ATOSA: variants seen among roughly 807,000 people sequenced by gnomAD.
The protein encoded by ATOSA is atos homolog protein A.
At chr15:52,671,903 G>A in the ATOSA span, among the ~76,000 whole-genome samples, 1 of 151,528 alleles carries the variant, frequency 6.6e-6, no homozygotes, top group Non-Finnish European at 1.5e-5. Flanking sequence ...GAAGAGATGA[G>A]TATCTTTTAC....
chr15:52,661,993 C>T, the ATOSA span, among the ~76,000 whole-genome samples: 130,758 of 148,182 alleles, frequency 0.88, 57,833 homozygotes, highest in East Asian at 1. Context: ...ATCTTAGACC[C>T]AGAAGGAACC....
the ATOSA span, among the ~76,000 whole-genome samples, chr15:52,598,124 A>AAAAC: frequency 0.01 from 1,530 of 152,214 alleles, 12 homozygotes; most frequent in Non-Finnish European, 0.015. Context: ...ACTCTGTCTC[A>AAAAC]AAACAAACAA....
the ATOSA span, among the ~76,000 whole-genome samples, chr15:52,583,675 C>T: frequency 1.3e-5 from 2 of 152,150 alleles, no homozygotes; most frequent in Non-Finnish European, 2.9e-5. Context: ...TGTGAGCCAC[C>T]GTGCCCGGCT....
the ATOSA span, among the ~76,000 whole-genome samples, chr15:52,583,061 T>C: frequency 6.6e-6 from 1 of 152,238 alleles, no homozygotes; most frequent in Non-Finnish European, 1.5e-5. Context: ...ATGTGGTGGT[T>C]ACAGCTCTGT....
At chr15:52,675,744 T>C in the ATOSA span, among the ~76,000 whole-genome samples, 37 of 152,060 alleles carry the variant, frequency 2.4e-4, no homozygotes, top group South Asian at 1.9e-3. Context: ...CTGTCTCTAC[T>C]AAAAATACAA....
At chr15:52,693,605 A>G in the ATOSA span, among the ~76,000 whole-genome samples, 5 of 152,210 alleles carry the variant, frequency 3.3e-5, no homozygotes, top group Non-Finnish European at 1.5e-5. Context: ...AAATAAATCT[A>G]ATTAAAAAAA....
the ATOSA span, among the ~76,000 whole-genome samples, chr15:52,635,797 A>T: frequency 2.0e-5 from 3 of 152,072 alleles, 1 homozygote; most frequent in South Asian, 6.2e-4. Flanking sequence ...GGAGTTCAAG[A>T]TCAGCCTGGC....
At chr15:52,639,042 G>C in the ATOSA span, among the ~76,000 whole-genome samples, 1 of 133,852 alleles carries the variant, frequency 7.5e-6, no homozygotes, top group Non-Finnish European at 1.6e-5. Context: ...GCAAAAAAAA[G>C]AAAGTATCAA....
the ATOSA span, among the ~76,000 whole-genome samples, chr15:52,673,384 C>T: frequency 6.6e-6 from 1 of 152,208 alleles, no homozygotes; most frequent in Non-Finnish European, 1.5e-5. Context: ...AGCTTAAGAG[C>T]ATATGCTCAA....
At chr15:52,673,887 A>G in the ATOSA span, among the ~76,000 whole-genome samples, 1 of 152,220 alleles carries the variant, frequency 6.6e-6, no homozygotes, top group Non-Finnish European at 1.5e-5. Context: ...TTCTAAGGCT[A>G]ATGTCTAAAT....
chr15:52,615,390 A>T, the ATOSA span, among the ~76,000 whole-genome samples: 1 of 152,218 alleles, frequency 6.6e-6, no homozygotes, highest in Non-Finnish European at 1.5e-5. Context: ...TTGTACAAAA[A>T]GTTGCTCTTA....
chr15:52,682,628 G>C, the ATOSA span, among the ~76,000 whole-genome samples: 1 of 152,154 alleles, frequency 6.6e-6, no homozygotes, highest in Non-Finnish European at 1.5e-5. Flanking sequence ...ATAAGTGGTT[G>C]AGAGTCAAAT....
At chr15:52,679,757 T>G in the ATOSA span, among the ~76,000 whole-genome samples, 3 of 6,572 alleles carry the variant, frequency 4.6e-4, no homozygotes, top group East Asian at 2.0e-3. Context: ...AGTCGTCGTC[T>G]CCTCCTCCTC....
the ATOSA span, among the ~76,000 whole-genome samples, chr15:52,668,699 GA>G: frequency 0.018 from 2,688 of 151,880 alleles, 84 homozygotes; most frequent in African/African-American, 0.062. Context: ...TGTGTCAACT[GA>G]AAAAAGTACC....
the ATOSA span, among the ~76,000 whole-genome samples, chr15:52,651,073 T>A: frequency 6.6e-6 from 1 of 152,218 alleles, no homozygotes; most frequent in African/African-American, 2.4e-5. Context: ...ATATATTATA[T>A]TAGTACAGTT....
At chr15:52,667,471 T>C in the ATOSA span, among the ~76,000 whole-genome samples, 33 of 152,212 alleles carry the variant, frequency 2.2e-4, no homozygotes, top group Admixed American at 9.2e-4. Context: ...ATGTAAGTAT[T>C]AGATTGAATG....
the ATOSA span, chr15:52,587,047 G>T: frequency 6.3e-6 from 10 of 1,582,974 alleles, no homozygotes; most frequent in Non-Finnish European, 1.7e-6. Flanking sequence ...CAGCCCCACT[G>T]TTACTTACCA....
At chr15:52,591,696 C>T in the ATOSA span, among the ~76,000 whole-genome samples, 2 of 152,156 alleles carry the variant, frequency 1.3e-5, no homozygotes, top group Non-Finnish European at 2.9e-5. Flanking sequence ...GTATAATATG[C>T]ATTTATTCTG....
the ATOSA span, among the ~76,000 whole-genome samples, chr15:52,684,291 T>A: frequency 2.6e-5 from 4 of 152,188 alleles, no homozygotes; most frequent in Non-Finnish European, 4.4e-5. Context: ...TTCTGGCACT[T>A]TAGGAGGCCC....
Sources: gnomAD v4.1 joint callset for allele counts (sites outside exome capture counted in the v4.1 genomes callset) on GRCh38, gnomAD v4.1.1 for gene constraint, MANE v1.5 for transcripts, NCBI Gene and HGNC (gene_info 2026-07-23, HGNC 2026-07-21) for gene names.